The following ARID5B variants were observed in gnomAD, a reference collection of about 807,000 sequenced individuals.
The protein encoded by ARID5B is AT-rich interaction domain 5B.
A neutral mutation model predicts 97.2 loss-of-function variants in ARID5B; 13 were observed. That is an observed-to-expected ratio of 0.13 (90% CI 0.09 to 0.21). ARID5B has a LOEUF of 0.21. ARID5B is among the 10% of genes least tolerant of loss of function. ARID5B has a pLI of 1.00. For missense variants in ARID5B, 1,210 were observed against 1,465.3 expected, an observed-to-expected ratio of 0.83 and a Z score of 2.84; for synonymous variants, 556 against 570.3, an observed-to-expected ratio of 0.97 and a Z score of 0.36.
intron 3 of ARID5B, among the ~76,000 whole-genome samples, chr10:61,957,481 C>G (rs917091243): frequency 6.6e-5 from 10 of 152,172 alleles, no homozygotes; most frequent in Non-Finnish European, 1.0e-4. Flanking sequence ...TTTGGCCAGG[C>G]TGGTCTCGAA....
intron 4 of ARID5B, among the ~76,000 whole-genome samples, chr10:62,006,420 A>G (rs927397028): frequency 6.6e-6 from 1 of 152,146 alleles, no homozygotes; most frequent in African/African-American, 2.4e-5. Flanking sequence ...CCAGCCTGGG[A>G]AACAGAGCAA....
At chr10:62,027,283 T>TC (rs1839432952) in intron 4 of ARID5B, among the ~76,000 whole-genome samples, 2 of 126,308 alleles carry the variant, frequency 1.6e-5, no homozygotes, top group Admixed American at 8.7e-5. Context: ...TCACAGTATC[T>TC]CCTTTTTTTT....
intron 4 of ARID5B, among the ~76,000 whole-genome samples, chr10:62,045,816 C>T (rs535948456): frequency 1.6e-4 from 25 of 152,310 alleles, no homozygotes; most frequent in Admixed American, 1.0e-3. Flanking sequence ...TTATCAGTAA[C>T]GCATACTATA....
chr10:61,970,083 A>G (rs1838604505), intron 3 of ARID5B, among the ~76,000 whole-genome samples: 1 of 152,234 alleles, frequency 6.6e-6, no homozygotes, highest in Non-Finnish European at 1.5e-5. Context: ...TAATCAATAT[A>G]TTCTGCCTTG....
chr10:62,076,417 C>CT (rs1325189642), intron 8 of ARID5B, among the ~76,000 whole-genome samples: 2 of 151,940 alleles, frequency 1.3e-5, no homozygotes, highest in East Asian at 1.9e-4. Context: ...TGGCACACAC[C>CT]TGTAATCCTG....
Position 61,902,401 on chromosome 10 carries a change from C to A in ARID5B, c.264C>A (p.Ser88Arg), listed in dbSNP as rs964962818. The A allele has an allele frequency of 6.2e-7, 1 of 1,613,988 alleles. No homozygotes were observed. The change falls in exon 2 of 10, where the codon AGC becomes AGA. Residue 88 changes from serine to arginine, a missense_variant. Ser to Arg is a moderately radical substitution (Grantham distance 110). Around this residue, in one of 8 missense-constraint regions of ARID5B, gnomAD observed 80 missense variants for 133.2 expected, o/e 0.60. Coordinates refer to ENST00000279873, the MANE Select transcript of ARID5B (RefSeq NM_032199.3). ...LPEDTPQGRN[S>R]DHGEDEVIAV... ...AAGACACTCCCCAGGGCAGAAATAG[C>A]GACCATGGCGAGGTGGTAAACCTGT...
chr10:61,901,759 C>G, intron 1 of ARID5B, 29 bp downstream of exon 1: 1 of 1,599,108 alleles, frequency 6.3e-7, no homozygotes, highest in South Asian at 1.1e-5. Context: ...CTCCTCCGAT[C>G]CCGGCACCCC....
chr10:62,056,614 A>G (rs1839859744), intron 5 of ARID5B, among the ~76,000 whole-genome samples: 1 of 152,196 alleles, frequency 6.6e-6, no homozygotes, highest in South Asian at 2.1e-4. Context: ...GTTCAAGGAC[A>G]TTAACTGATG....
Position 61,956,462 on chromosome 10 carries a change from A to G in ARID5B, c.502+16054A>G, listed in dbSNP as rs1448502368. Among the ~76,000 whole-genome samples the G allele has an allele frequency of 2.6e-5, 4 of 152,354 alleles. No homozygotes were observed. In the East Asian group the frequency reaches 7.7e-4, roughly 29 times the overall value. ...TAGCATAAACAATTGTATTAACTGTATACTGTTGTTTCCAGTTCTATTCTT... is the reference window on the plus strand; with the variant it reads ...TAGCATAAACAATTGTATTAACTGTGTACTGTTGTTTCCAGTTCTATTCTT... On this transcript the variant is annotated intron_variant, in intron 3 of 9. Coordinates refer to ENST00000279873, the MANE Select transcript of ARID5B (RefSeq NM_032199.3).
intron 3 of ARID5B, among the ~76,000 whole-genome samples, chr10:61,962,734 C>G (rs966944334): frequency 6.6e-5 from 10 of 152,208 alleles, no homozygotes; most frequent in African/African-American, 2.4e-4. Flanking sequence ...AGATGAACTC[C>G]TAAAGTTTGG....
chr10:61,905,973 A>G (rs1355102320), intron 2 of ARID5B, among the ~76,000 whole-genome samples: 2 of 152,222 alleles, frequency 1.3e-5, no homozygotes, highest in Non-Finnish European at 2.9e-5. Context: ...GAGGAAAAGC[A>G]TTCAAGAAAG....
At chr10:62,039,554 G>A (rs1839607650) in intron 4 of ARID5B, among the ~76,000 whole-genome samples, 1 of 152,164 alleles carries the variant, frequency 6.6e-6, no homozygotes, top group African/African-American at 2.4e-5. Flanking sequence ...TTTCTGTGTT[G>A]CTGCTGCCAC....
chr10:61,985,008 G>A (rs1323186918), intron 3 of ARID5B, among the ~76,000 whole-genome samples: 1 of 151,984 alleles, frequency 6.6e-6, no homozygotes, highest in Non-Finnish European at 1.5e-5. Context: ...CTTCCTTAGG[G>A]CTGCCCAAAG....
rs1296255239 is a variant in ARID5B at position 61,917,950 on chromosome 10, GGAGAAGGGGCCCTT to G, written c.276+15540_276+15553del. Among the ~76,000 whole-genome samples, 3 of 152,148 alleles carry G rather than the reference GGAGAAGGGGCCCTT, an allele frequency of 2.0e-5. No homozygotes were observed. The East Asian group carries it at 5.8e-4, about 29-fold the overall frequency. ...CTGTAGCCATCCTGGAAGGTGTCCT[GGAGAAGGGGCCCTT>G]GAAAACACCTAGGGATGGATGAGGG... On this transcript the variant is annotated intron_variant, in intron 2 of 9. Transcript: ENST00000279873.
In ARID5B at chr10:62,049,349, C is replaced by T. The variant is rs572379672; in HGVS notation, c.734-1539C>T. ...GAGTTGTAAGCAGAGCGCTGAGCCT[C>T]GCAGCTCGCATTCGGAGGGAAGCTG... is the stretch of plus-strand genomic sequence containing the variant. On this transcript the variant is annotated intron_variant, in intron 4 of 9. Coordinates refer to ENST00000279873, the MANE Select transcript of ARID5B (RefSeq NM_032199.3). 5 of 1,536,372 alleles carry T rather than the reference C, an allele frequency of 3.3e-6. No homozygotes were observed. The Admixed American group carries it at 6.0e-5, about 18-fold the overall frequency.
At chr10:61,921,338 T>A (rs1219646240) in intron 2 of ARID5B, among the ~76,000 whole-genome samples, 1 of 152,202 alleles carries the variant, frequency 6.6e-6, no homozygotes, top group African/African-American at 2.4e-5. Context: ...GCTGTGGCCA[T>A]CTGAAAGCTC....
At chr10:61,905,918 C>G (rs952436816) in intron 2 of ARID5B, among the ~76,000 whole-genome samples, 4 of 152,096 alleles carry the variant, frequency 2.6e-5, no homozygotes, top group Admixed American at 2.6e-4. Context: ...CTTATATACA[C>G]CAATGCCTTC....
intron 3 of ARID5B, among the ~76,000 whole-genome samples, chr10:61,999,135 A>G (rs1024427286): frequency 6.6e-6 from 1 of 152,208 alleles, no homozygotes; most frequent in Non-Finnish European, 1.5e-5. Flanking sequence ...TGAGGCACAC[A>G]GGCTTTCCAC....
At chr10:61,959,675 G>A (rs147477973) in intron 3 of ARID5B, among the ~76,000 whole-genome samples, 240 of 152,286 alleles carry the variant, frequency 1.6e-3, no homozygotes, top group African/African-American at 5.3e-3. Context: ...TGATTTTAAA[G>A]GTTATGATAT....
Sources: gnomAD v4.1 joint callset for allele counts (sites outside exome capture counted in the v4.1 genomes callset) on GRCh38, gnomAD v4.1.1 for gene constraint, gnomAD v4.1.1 regional missense constraint, MANE v1.5 for transcripts, NCBI Gene and HGNC (gene_info 2026-07-23, HGNC 2026-07-21) for gene names.